Variants in SEMA6D observed in about 807,000 individuals in gnomAD.
SEMA6D encodes semaphorin 6D.
Under a neutral mutation model 106.6 loss-of-function variants are expected in SEMA6D, and 35 were observed. The observed-to-expected ratio is 0.33, with a 90% CI of 0.25 to 0.44. The LOEUF (loss-of-function observed/expected upper bound fraction) is 0.44, where lower values mean the gene tolerates loss of function less well. Ranked by LOEUF, SEMA6D falls within the 20% of genes least tolerant of loss-of-function variation. The probability of loss-of-function intolerance (pLI) is 1.00; values close to 1 mark genes in which losing one functional copy is unlikely to be tolerated. For synonymous variants in SEMA6D, 499 were observed against 487.7 expected, an observed-to-expected ratio of 1.02 and a Z score of -0.31; for missense variants, 1,185 against 1,345.9, an observed-to-expected ratio of 0.88 and a Z score of 1.87.
At chr15:47,401,679 G>A (rs910297586) in intron 1 of SEMA6D, among the ~76,000 whole-genome samples, 12 of 152,098 alleles carry the variant, frequency 7.9e-5, no homozygotes, top group Admixed American at 1.3e-4. Context: ...GCTCTTCCCT[G>A]CCCAGTGACT....
chr15:47,771,497 T>G lies in SEMA6D; in HGVS notation c.2934T>G (p.Pro978=). 6.2e-7 allele frequency: 1 copy of G among 1,614,102 alleles called. No individual in the cohort carries two copies. Among genetic ancestry groups the G allele is most frequent in the Non-Finnish European group, 8.5e-7 (1 of 1,179,980 alleles). Residue 978 remains proline (P), a synonymous_variant, in exon 19 of 19, where the codon CCT becomes CCG. Coordinates refer to ENST00000536845, the MANE Select transcript of SEMA6D (RefSeq NM_001358351.3). Reference sequence around the variant, plus strand: ...AGAGGCACTCTATATCTGCTATGCCTAAAAACTTAAACTCACCAAATGGTG... The same window carrying G: ...AGAGGCACTCTATATCTGCTATGCCGAAAAACTTAAACTCACCAAATGGTG... ...SSQRHSISAM[P]KNLNSPNGVL... is the part of the protein sequence containing the mutation.
At chr15:47,243,519 G>A (rs1285064220) in intron 1 of SEMA6D, among the ~76,000 whole-genome samples, 1 of 151,954 alleles carries the variant, frequency 6.6e-6, no homozygotes, top group Non-Finnish European at 1.5e-5. Flanking sequence ...GGAAGATAAT[G>A]GAAGTTTTCA....
At chr15:47,556,721 C>T (rs1445134709) in intron 3 of SEMA6D, among the ~76,000 whole-genome samples, 1 of 152,144 alleles carries the variant, frequency 6.6e-6, no homozygotes, top group African/African-American at 2.4e-5. Flanking sequence ...TGTGGAGCCT[C>T]CCTTCCCAAC....
intron 1 of SEMA6D, among the ~76,000 whole-genome samples, chr15:47,302,131 T>C (rs2036048620): frequency 6.6e-6 from 1 of 152,144 alleles, no homozygotes; most frequent in Non-Finnish European, 1.5e-5. Context: ...AAACTGAGGC[T>C]CAGAGTGGTT....
At chr15:47,666,419 AG>A (rs1229024068) in intron 4 of SEMA6D, among the ~76,000 whole-genome samples, 2 of 152,206 alleles carry the variant, frequency 1.3e-5, no homozygotes, top group Admixed American at 1.3e-4. Flanking sequence ...GTGACATTGA[AG>A]GGATAATCTC....
intron 1 of SEMA6D, chr15:47,396,308 A>G (rs1368082186): frequency 6.6e-6 from 1 of 151,894 alleles, no homozygotes. Context: ...GAATAGATAT[A>G]TATATATATA....
At chr15:47,556,905 A>G (rs1716328341) in intron 3 of SEMA6D, among the ~76,000 whole-genome samples, 1 of 151,970 alleles carries the variant, frequency 6.6e-6, no homozygotes, top group African/African-American at 2.4e-5. Context: ...CATGTGTCCA[A>G]TTTCTCTCTT....
intron 4 of SEMA6D, among the ~76,000 whole-genome samples, chr15:47,648,132 A>G (rs143194547): frequency 2.0e-5 from 3 of 152,140 alleles, no homozygotes; most frequent in Non-Finnish European, 2.9e-5. Flanking sequence ...TATAATATTG[A>G]TGATACAAAA....
intron 1 of SEMA6D, among the ~76,000 whole-genome samples, chr15:47,754,793 CTT>C (rs80313123): frequency 0.21 from 31,976 of 151,890 alleles, 3,778 homozygotes; most frequent in Non-Finnish European, 0.26. Context: ...CTCTTACTCT[CTT>C]GTCTGTTTCT....
chr15:47,392,635 G>C (rs1241927349), intron 1 of SEMA6D, among the ~76,000 whole-genome samples: 1 of 152,166 alleles, frequency 6.6e-6, no homozygotes, highest in African/African-American at 2.4e-5. Context: ...CTGACATCTT[G>C]AGTTAGCCCT....
chr15:47,563,067 A>G (rs969455547), intron 3 of SEMA6D, among the ~76,000 whole-genome samples: 6 of 152,210 alleles, frequency 3.9e-5, no homozygotes, highest in African/African-American at 1.4e-4. Context: ...TAAGTGAAAG[A>G]TGCTAGGTGT....
chr15:47,333,824 C>T (rs1057416687), intron 1 of SEMA6D, among the ~76,000 whole-genome samples: 3 of 152,180 alleles, frequency 2.0e-5, no homozygotes, highest in African/African-American at 7.2e-5. Flanking sequence ...CAGTTCCTGG[C>T]TTACAACTCC....
intron 1 of SEMA6D, among the ~76,000 whole-genome samples, chr15:47,348,672 A>G (rs2038142698): frequency 1.4e-5 from 1 of 70,702 alleles, no homozygotes; most frequent in South Asian, 6.9e-4. Flanking sequence ...TCAAGAGTAC[A>G]TCACACACAC....
chr15:47,581,479 C>T (rs2076253540), intron 3 of SEMA6D: 2 of 408,952 alleles, frequency 4.9e-6, no homozygotes, highest in Middle Eastern at 3.7e-4. Context: ...CTTTAGATGG[C>T]GTAGCCAAGG....
At chr15:47,565,329 G>A (rs1308690427) in intron 3 of SEMA6D, among the ~76,000 whole-genome samples, 1 of 152,310 alleles carries the variant, frequency 6.6e-6, no homozygotes, top group Non-Finnish European at 1.5e-5. Flanking sequence ...GAGGGGTGGA[G>A]CACAGCGGGT....
intron 3 of SEMA6D, among the ~76,000 whole-genome samples, chr15:47,481,070 T>G (rs186017310): frequency 1.2e-3 from 177 of 152,328 alleles, no homozygotes; most frequent in Admixed American, 0.01. Context: ...TTATCTAGCA[T>G]TAAATTCCCC....
rs1000001005 is a variant in SEMA6D at position 47,457,919 on chromosome 15, A to G, written c.-158-12555A>G. 3.3e-5 allele frequency among the ~76,000 whole-genome samples: 5 copies of G among 152,114 alleles called. No individual in the cohort carries two copies. In the East Asian group the frequency reaches 5.8e-4, roughly 18 times the overall value. On this transcript the variant is annotated intron_variant, in intron 2 of 19. Coordinates refer to the SEMA6D transcript ENST00000558014. ...TAGCCAAAAGAAAAAAAAAGTCGCAATGAATACAGACAAAAAGAGAACATA... is the reference window on the plus strand; with the variant it reads ...TAGCCAAAAGAAAAAAAAAGTCGCAGTGAATACAGACAAAAAGAGAACATA...
chr15:47,447,575 G>T (rs753813076), intron 2 of SEMA6D, among the ~76,000 whole-genome samples: 3 of 152,114 alleles, frequency 2.0e-5, no homozygotes, highest in Non-Finnish European at 4.4e-5. Flanking sequence ...TTGTGCTCAG[G>T]ACCCTTTCAG....
chr15:47,463,774 A>C (rs1354542525), intron 2 of SEMA6D, among the ~76,000 whole-genome samples: 1 of 152,188 alleles, frequency 6.6e-6, no homozygotes, highest in Non-Finnish European at 1.5e-5. Context: ...TGGAGGCCAG[A>C]AGTCTGAAAT....
Sources: allele counts gnomAD v4.1 joint callset (sites outside exome capture counted in the v4.1 genomes callset), GRCh38; gene constraint gnomAD v4.1.1; transcripts MANE v1.5; gene names NCBI Gene and HGNC (gene_info 2026-07-23, HGNC 2026-07-21).